Variants in CTNND2 observed in about 807,000 individuals in gnomAD.
CTNND2 encodes the protein catenin delta-2.
A neutral mutation model predicts 144.4 loss-of-function variants in CTNND2; 22 were observed. The observed-to-expected ratio is 0.15, with a 90% confidence interval of 0.11 to 0.22. CTNND2 has a LOEUF of 0.22. Ranked by LOEUF, CTNND2 falls within the 10% of genes least tolerant of loss-of-function variation. CTNND2 has a pLI of 1.00. For synonymous variants in CTNND2, 751 were observed against 695.6 expected (o/e 1.08, Z -1.25); for missense variants, 1,353 against 1,618.8 (o/e 0.84, Z 2.82).
intron 7 of CTNND2, among the ~76,000 whole-genome samples, chr5:11,376,088 G>A (rs867142714): frequency 6.6e-6 from 1 of 152,010 alleles, no homozygotes; most frequent in African/African-American, 2.4e-5. Context: ...TCGATGAGCC[G>A]AAAAGTGGAC....
chr5:11,557,926 C>A (rs1037935145), intron 3 of CTNND2, among the ~76,000 whole-genome samples: 1 of 152,206 alleles, frequency 6.6e-6, no homozygotes. Flanking sequence ...ATTAGCCTAG[C>A]GGAAAATTCC....
At chr5:11,758,027 A>T (rs988429827) in intron 1 of CTNND2, among the ~76,000 whole-genome samples, 5 of 152,008 alleles carry the variant, frequency 3.3e-5, no homozygotes, top group Admixed American at 2.0e-4. Flanking sequence ...ACCCCAGAAT[A>T]GTCAATGTTT....
intron 21 of CTNND2, among the ~76,000 whole-genome samples, chr5:10,976,615 C>T (rs1736523471): frequency 6.6e-6 from 1 of 152,210 alleles, no homozygotes; most frequent in African/African-American, 2.4e-5. Context: ...TGTTCCATGG[C>T]TTCTGTTTCT....
intron 1 of CTNND2, among the ~76,000 whole-genome samples, chr5:11,876,178 T>C (rs1560955718): frequency 1.3e-5 from 2 of 150,142 alleles, no homozygotes; most frequent in Non-Finnish European, 3.0e-5. Flanking sequence ...TGATTTCAGA[T>C]AGATAGGTAG....
chr5:11,674,124 T>C (rs1784046050), intron 2 of CTNND2, among the ~76,000 whole-genome samples: 1 of 152,226 alleles, frequency 6.6e-6, no homozygotes, highest in Non-Finnish European at 1.5e-5. Context: ...ACTCTAAGTG[T>C]TGATTCTTTG....
At position 11,384,613 on chromosome 5, in the gene CTNND2, C is replaced by A; in HGVS notation, c.1177+52G>T. On this transcript the variant is annotated intron_variant, in intron 7 of 21. Transcript: ENST00000304623. The surrounding 1 kb of genome is among the most constrained non-coding windows in gnomAD (Gnocchi z 5.2). ...TGCTCAAGCCGGGCTGCTGCTTCCGCGTCCCCGCCACGCGCCCAGGTGAGT... is the reference window on the plus strand; with the variant it reads ...TGCTCAAGCCGGGCTGCTGCTTCCGAGTCCCCGCCACGCGCCCAGGTGAGT... 3.3e-6 allele frequency: 5 copies of A among 1,520,544 alleles called. No individual in the cohort carries two copies. Among genetic ancestry groups the A allele is most frequent in the East Asian group, 2.4e-5 (1 of 42,072 alleles). The allele number at this position is 1,520,544 out of a possible 1,614,324, so 94.2% of individuals were successfully genotyped here.
At chr5:11,395,839 A>G (rs1760062547) in intron 6 of CTNND2, among the ~76,000 whole-genome samples, 1 of 152,270 alleles carries the variant, frequency 6.6e-6, no homozygotes, top group African/African-American at 2.4e-5. Context: ...TGTGAATGTC[A>G]CATAAATGAA....
intron 2 of CTNND2, among the ~76,000 whole-genome samples, chr5:11,603,427 G>T (rs960158187): frequency 6.6e-6 from 1 of 152,082 alleles, no homozygotes; most frequent in African/African-American, 2.4e-5. Context: ...TGGTGTCACC[G>T]TCAGGACCTC....
chr5:11,860,425 C>T (rs1424694300), intron 1 of CTNND2, among the ~76,000 whole-genome samples: 1 of 152,052 alleles, frequency 6.6e-6, no homozygotes, highest in Non-Finnish European at 1.5e-5. Context: ...GGTTTATAAC[C>T]AATTCTCTAT....
chr5:11,451,434 G>C (rs1274000504), intron 3 of CTNND2, among the ~76,000 whole-genome samples: 1 of 152,154 alleles, frequency 6.6e-6, no homozygotes, highest in South Asian at 2.1e-4. Context: ...CCTAGGAATA[G>C]TAAGTAATAC....
At chr5:11,344,340 G>C (rs914657335) in intron 9 of CTNND2, among the ~76,000 whole-genome samples, 4 of 151,800 alleles carry the variant, frequency 2.6e-5, no homozygotes, top group Admixed American at 2.0e-4. Context: ...TGCAGTGAGC[G>C]GAGATCGCGC....
intron 16 of CTNND2, among the ~76,000 whole-genome samples, chr5:11,025,340 T>C (rs957443930): frequency 2.0e-5 from 3 of 151,038 alleles, no homozygotes; most frequent in Non-Finnish European, 4.4e-5. Context: ...TTAAATCCTA[T>C]CTTCACAAGA....
chr5:11,119,388 C>CA (rs921959862), intron 12 of CTNND2, among the ~76,000 whole-genome samples: 17 of 152,084 alleles, frequency 1.1e-4, no homozygotes, highest in African/African-American at 4.1e-4. Flanking sequence ...CGAATATAAA[C>CA]AAAATTTCTC....
chr5:11,581,249 T>G (rs1053463154), intron 2 of CTNND2, among the ~76,000 whole-genome samples: 3 of 152,262 alleles, frequency 2.0e-5, no homozygotes, highest in Admixed American at 2.0e-4. Flanking sequence ...GCATCCCAAA[T>G]TTTTATTTTT....
At chr5:11,723,778 C>T (rs1018756048) in intron 2 of CTNND2, among the ~76,000 whole-genome samples, 1 of 152,058 alleles carries the variant, frequency 6.6e-6, no homozygotes, top group African/African-American at 2.4e-5. Context: ...GTTATTGGGC[C>T]GGGCGTGGTG....
chr5:11,412,088 A>T lies in CTNND2; in HGVS notation c.288-19T>A. Reference sequence around the variant, plus strand: ...TGCTGAACTGTAAAAAAGAAAATACAGAGATATAATGCATTGATTAGAAAA... The same window carrying T: ...TGCTGAACTGTAAAAAAGAAAATACTGAGATATAATGCATTGATTAGAAAA... On this transcript the variant is annotated intron_variant, in intron 3 of 21. Transcript: ENST00000304623. The T allele has an allele frequency of 6.2e-7, 1 of 1,600,418 alleles. No individual in the cohort carries two copies. The highest frequency in any genetic ancestry group is 8.6e-7 in the Non-Finnish European group (1 of 1,167,942).
At chr5:11,152,478 T>C (rs1375629453) in intron 12 of CTNND2, among the ~76,000 whole-genome samples, 1 of 152,222 alleles carries the variant, frequency 6.6e-6, no homozygotes, top group African/African-American at 2.4e-5. Flanking sequence ...TTTGTGTAAG[T>C]GCGCCCTATG....
intron 1 of CTNND2, among the ~76,000 whole-genome samples, chr5:11,758,308 T>G (rs1403093615): frequency 6.6e-6 from 1 of 151,980 alleles, no homozygotes; most frequent in East Asian, 1.9e-4. Context: ...AATAATTAAA[T>G]CAGGATAGCT....
chr5:11,499,016 T>G (rs1770268797), intron 3 of CTNND2, among the ~76,000 whole-genome samples: 1 of 152,206 alleles, frequency 6.6e-6, no homozygotes, highest in African/African-American at 2.4e-5. Context: ...AATCCTTTCT[T>G]CTGTGCAGGG....
Sources: gnomAD v4.1 joint callset for allele counts (sites outside exome capture counted in the v4.1 genomes callset) on GRCh38, gnomAD v4.1.1 for gene constraint, Gnocchi (gnomAD v3.1) non-coding constraint, MANE v1.5 for transcripts, NCBI Gene and HGNC (gene_info 2026-07-23, HGNC 2026-07-21) for gene names.